The following FOXN3 variants were observed in gnomAD, a reference collection of about 807,000 sequenced individuals.
FOXN3 encodes the protein forkhead box protein N3.
A neutral mutation model predicts 38.4 loss-of-function variants in FOXN3; 7 were observed. The ratio of observed to expected loss-of-function variants is 0.18; its 90% CI spans 0.10 to 0.34. The LOEUF is 0.34. FOXN3 is among the 10% of genes least tolerant of loss of function. The pLI is 1.00. For synonymous variants in FOXN3, 230 were observed against 242.2 expected (o/e 0.95, Z 0.47); for missense variants, 456 against 613.4 (o/e 0.74, Z 2.71).
In FOXN3 at chr14:89,566,690, T is replaced by C. The variant is rs1895358505; in HGVS notation, c.-15+52338A>G. ...TATTCTAGACTCATTCACATTTGTG[T>C]GTCATAGCAGCTACATATTCTCCTA... On this transcript the variant is annotated intron_variant, in intron 1 of 6. Coordinates refer to the FOXN3 transcript ENST00000345097. 2.6e-5 allele frequency among the ~76,000 whole-genome samples: 4 copies of C among 152,352 alleles called. No individual in the cohort carries two copies. The South Asian group carries it at 8.3e-4, about 32-fold the overall frequency.
intron 1 of FOXN3, among the ~76,000 whole-genome samples, chr14:89,500,800 C>T (rs992127759): frequency 2.6e-5 from 4 of 152,160 alleles, no homozygotes; most frequent in Admixed American, 1.3e-4. Context: ...ATGGGAGTCA[C>T]GGGACAGCCT....
chr14:89,545,857 A>G (rs1167449644), intron 1 of FOXN3, among the ~76,000 whole-genome samples: 1 of 152,058 alleles, frequency 6.6e-6, no homozygotes, highest in Non-Finnish European at 1.5e-5. Context: ...TGCTCCCCAA[A>G]CTAACCTTTC....
intron 3 of FOXN3, chr14:89,284,625 G>A (rs1361399703): frequency 4.4e-6 from 2 of 454,332 alleles, no homozygotes; most frequent in African/African-American, 2.0e-5. Flanking sequence ...AAGACACGCG[G>A]GCTCCTATTA....
intron 1 of FOXN3, among the ~76,000 whole-genome samples, chr14:89,468,917 C>T (rs1010783255): frequency 4.6e-5 from 7 of 152,132 alleles, no homozygotes; most frequent in Admixed American, 1.3e-4. Flanking sequence ...TTTTGAGAGA[C>T]GTCGCCAGAT....
At chr14:89,342,743 T>C (rs912002677) in intron 3 of FOXN3, among the ~76,000 whole-genome samples, 10 of 152,328 alleles carry the variant, frequency 6.6e-5, no homozygotes, top group African/African-American at 2.4e-4. Flanking sequence ...TGAAGCTTCA[T>C]ATTGATTTTT....
chr14:89,283,113 C>T lies in FOXN3; in HGVS notation c.681-2099G>A, dbSNP rs1437791532. 3.3e-5 allele frequency among the ~76,000 whole-genome samples: 5 copies of T among 152,228 alleles called. No homozygotes were observed. In the South Asian group the frequency reaches 1.0e-3, roughly 32 times the overall value. The stretch of plus-strand genomic sequence containing the variant: ...TCAGGGTAAGTCAGCTCCTGCCATG[C>T]TAACTGCAAAGTTTTCAAGCTCCCT... On this transcript the variant is annotated intron_variant, in intron 3 of 5. Transcript: ENST00000557258.
intron 1 of FOXN3, among the ~76,000 whole-genome samples, chr14:89,573,514 G>T (rs1321309368): frequency 6.6e-6 from 1 of 152,154 alleles, no homozygotes; most frequent in African/African-American, 2.4e-5. Flanking sequence ...GAAGCCAAAT[G>T]CCAATAAAGC....
At chr14:89,195,029 T>C (rs1888062594) in intron 4 of FOXN3, among the ~76,000 whole-genome samples, 1 of 152,360 alleles carries the variant, frequency 6.6e-6, no homozygotes, top group East Asian at 1.9e-4. Flanking sequence ...GAGAATTTTG[T>C]GCATAAATAC....
intron 3 of FOXN3, among the ~76,000 whole-genome samples, chr14:89,285,765 C>T (rs751876015): frequency 6.6e-6 from 1 of 151,900 alleles, no homozygotes; most frequent in East Asian, 1.9e-4. Flanking sequence ...AAAAGAGTTC[C>T]GGAGGTTGGT....
intron 4 of FOXN3, among the ~76,000 whole-genome samples, chr14:89,195,630 T>TA (rs1254372010): frequency 6.6e-6 from 1 of 152,168 alleles, no homozygotes; most frequent in African/African-American, 2.4e-5. Context: ...GGATTGGCTT[T>TA]GTAGGATCTT....
intron 3 of FOXN3, among the ~76,000 whole-genome samples, chr14:89,282,923 CT>C (rs1886505747): frequency 6.6e-6 from 1 of 152,154 alleles, no homozygotes; most frequent in African/African-American, 2.4e-5. Context: ...TTACAACATC[CT>C]TTTAATGTAC....
At chr14:89,583,901 G>T (rs563622737) in intron 1 of FOXN3, among the ~76,000 whole-genome samples, 11 of 151,846 alleles carry the variant, frequency 7.2e-5, no homozygotes, top group Non-Finnish European at 1.2e-4. Context: ...CTGTCACCCA[G>T]GTTGGAGTGC....
At chr14:89,217,465 C>T (rs926390990) in intron 4 of FOXN3, among the ~76,000 whole-genome samples, 8 of 152,152 alleles carry the variant, frequency 5.3e-5, no homozygotes, top group African/African-American at 1.9e-4. Context: ...GTGTTCTTCA[C>T]CTCTGCCACG....
chr14:89,588,209 C>T (rs1218636058), intron 1 of FOXN3, among the ~76,000 whole-genome samples: 2 of 152,120 alleles, frequency 1.3e-5, no homozygotes, highest in Non-Finnish European at 2.9e-5. Flanking sequence ...TGCCTGCTCC[C>T]CCTTTGCCTT....
intron 1 of FOXN3, among the ~76,000 whole-genome samples, chr14:89,598,136 T>G (rs999432361): frequency 2.0e-5 from 3 of 152,164 alleles, no homozygotes; most frequent in African/African-American, 7.2e-5. Flanking sequence ...ACAACACAAC[T>G]TCGTTATCAC....
At chr14:89,304,816 C>T (rs1239255712) in intron 3 of FOXN3, among the ~76,000 whole-genome samples, 2 of 151,982 alleles carry the variant, frequency 1.3e-5, no homozygotes, top group Non-Finnish European at 2.9e-5. Flanking sequence ...TGAGAAAATA[C>T]ACACCGAAGT....
intron 1 of FOXN3, among the ~76,000 whole-genome samples, chr14:89,471,501 T>A (rs1313624420): frequency 6.6e-6 from 1 of 151,990 alleles, no homozygotes; most frequent in African/African-American, 2.4e-5. Context: ...GGAGGATCAC[T>A]TGAGCCTAGG....
chr14:89,333,008 TG>T (rs1288356746), intron 3 of FOXN3: 1 of 152,120 alleles, frequency 6.6e-6, no homozygotes, highest in Non-Finnish European at 1.5e-5. Context: ...ATCAGGGAAA[TG>T]CAAATAAAGC....
chr14:89,224,851 A>G (rs1303697158), intron 4 of FOXN3, among the ~76,000 whole-genome samples: 1 of 152,072 alleles, frequency 6.6e-6, no homozygotes, highest in Non-Finnish European at 1.5e-5. Context: ...GAACTTAAGG[A>G]CGGGTGTGGT....
Sources: allele counts gnomAD v4.1 joint callset (sites outside exome capture counted in the v4.1 genomes callset), GRCh38; gene constraint gnomAD v4.1.1; transcripts MANE v1.5; gene names NCBI Gene and HGNC (gene_info 2026-07-23, HGNC 2026-07-21).